The following PRKAR1B variants were observed in gnomAD, a reference collection of about 807,000 sequenced individuals.
PRKAR1B encodes protein kinase cAMP-dependent type I regulatory subunit beta.
Under a neutral mutation model 46.5 loss-of-function variants are expected in PRKAR1B, and 22 were observed. The ratio of observed to expected loss-of-function variants is 0.47; its 90% confidence interval spans 0.34 to 0.68. The LOEUF (loss-of-function observed/expected upper bound fraction) is 0.68, where lower values mean the gene tolerates loss of function less well. Among genes scored for constraint, PRKAR1B ranks in the 30% least tolerant of loss-of-function variants. PRKAR1B has a pLI of 0.01. For missense variants in PRKAR1B, 445 were observed against 535.6 expected (o/e 0.83, Z 1.67); for synonymous variants, 259 against 217.7 (o/e 1.19, Z -1.67).
intron 2 of PRKAR1B, among the ~76,000 whole-genome samples, chr7:695,175 C>T (rs1356729842): frequency 2.0e-5 from 3 of 152,184 alleles, no homozygotes; most frequent in Non-Finnish European, 2.9e-5. Context: ...TACTCACAGT[C>T]GCTCTGTGAT....
At chr7:563,291 C>G (rs545800745) in intron 9 of PRKAR1B, among the ~76,000 whole-genome samples, 3 of 152,264 alleles carry the variant, frequency 2.0e-5, no homozygotes, top group African/African-American at 7.2e-5. Context: ...ACCCCCTCCA[C>G]GGGATACCCC....
intron 4 of PRKAR1B, among the ~76,000 whole-genome samples, chr7:641,958 C>A (rs533748268): frequency 1.3e-5 from 2 of 152,234 alleles, no homozygotes; most frequent in Admixed American, 1.3e-4. Flanking sequence ...GATTAGGGCA[C>A]AGTGGCACAA....
intron 4 of PRKAR1B, among the ~76,000 whole-genome samples, chr7:628,554 C>T (rs766819762): frequency 6.6e-5 from 10 of 152,178 alleles, no homozygotes; most frequent in East Asian, 1.9e-4. Flanking sequence ...GAGCAAAGGC[C>T]GGCAGGGGCT....
rs200458521 is a variant in PRKAR1B at position 680,637 on chromosome 7, A to G, written c.267T>C (p.Pro89=). 524 of 1,430,586 alleles carry G rather than the reference A, an allele frequency of 3.7e-4. 2 individuals are homozygous for G. The African/African-American group carries it at 6.6e-3, about 18-fold the overall frequency. 88.6% of individuals were successfully genotyped at this position (1,430,586 alleles called of 1,614,324 possible). The change falls in exon 3 of 11, where the codon CCT becomes CCC. Residue 89 remains proline, a synonymous_variant. Coordinates refer to ENST00000537384, the MANE Select transcript of PRKAR1B (RefSeq NM_001164760.2). ...CTCGCCGGCGGCGGGCCTTCACCAC[A>G]GGGTTCGGGGGGGTGGGCGACACCT... ...DEEVSPTPPN[P]VVKARRRRGG... is the part of the protein sequence containing the mutation.
chr7:727,899 G>A (rs537764929), upstream of PRKAR1B, among the ~76,000 whole-genome samples: 1 of 151,482 alleles, frequency 6.6e-6, no homozygotes, highest in East Asian at 2.0e-4. Context: ...TTCCTGTTAG[G>A]CGGTTTGGGG....
chr7:647,733 G>C (rs184435047), intron 4 of PRKAR1B, among the ~76,000 whole-genome samples: 2,434 of 150,998 alleles, frequency 0.016, 62 homozygotes, highest in African/African-American at 0.056. Context: ...ATGAACCTGG[G>C]GGGGCAGAGC....
At chr7:596,672 A>G (rs1182346336) in intron 6 of PRKAR1B, among the ~76,000 whole-genome samples, 1 of 152,154 alleles carries the variant, frequency 6.6e-6, no homozygotes, top group Non-Finnish European at 1.5e-5. Flanking sequence ...TCAACTTCTC[A>G]CTCAGCCTCT....
intron 2 of PRKAR1B, among the ~76,000 whole-genome samples, chr7:709,324 T>C (rs1031896729): frequency 1.3e-5 from 2 of 151,718 alleles, no homozygotes; most frequent in African/African-American, 4.8e-5. Context: ...TGCATGTATG[T>C]ATGTGTGTGT....
At chr7:582,773 G>A (rs527730690) in intron 8 of PRKAR1B, among the ~76,000 whole-genome samples, 1 of 152,348 alleles carries the variant, frequency 6.6e-6, no homozygotes, top group East Asian at 1.9e-4. Flanking sequence ...TGCCTGGTGG[G>A]CACCAGGGGC....
At chr7:658,885 A>C (rs1176797835) in intron 4 of PRKAR1B, among the ~76,000 whole-genome samples, 1 of 152,184 alleles carries the variant, frequency 6.6e-6, no homozygotes, top group African/African-American at 2.4e-5. Context: ...TCCTGGCCTC[A>C]AGTGATCCAC....
intron 9 of PRKAR1B, among the ~76,000 whole-genome samples, chr7:552,679 C>T (rs865846787): frequency 6.6e-6 from 1 of 152,200 alleles, no homozygotes; most frequent in African/African-American, 2.4e-5. Flanking sequence ...AACTCACTGG[C>T]CCCCCGCACC....
intron 9 of PRKAR1B, among the ~76,000 whole-genome samples, chr7:566,396 CCACCACTTCCACCATCAT>C (rs1779140723): frequency 1.0e-3 from 2 of 1,982 alleles, no homozygotes; most frequent in Non-Finnish European, 2.3e-3. Context: ...ACCACCATCA[CCACCACTTCCACCATCAT>C]TATCACCATC....
intron 7 of PRKAR1B, among the ~76,000 whole-genome samples, chr7:588,534 G>GTGAGGATAGTGACAGTGGTGATCACGA: frequency 1.5e-5 from 1 of 67,656 alleles, no homozygotes; most frequent in African/African-American, 6.7e-5. Flanking sequence ...GGTGACGGTG[G>GTGAGGATAGTGACAGTGGTGATCACGA]TGATGGTGGT....
rs1785934933 is a variant in PRKAR1B at position 666,447 on chromosome 7, A to G, written c.440+10782T>C. 6.6e-6 allele frequency among the ~76,000 whole-genome samples: 1 copy of G among 152,104 alleles called. No homozygotes were observed. Among genetic ancestry groups the G allele is most frequent in the Non-Finnish European group, 1.5e-5 (1 of 68,014 alleles). ...AGGATGCGGAATCTGCTTCGCTCCAATAGCTGACACAAGGTGAGAAGGCTG... is the reference window on the plus strand; with the variant it reads ...AGGATGCGGAATCTGCTTCGCTCCAGTAGCTGACACAAGGTGAGAAGGCTG... On this transcript the variant is annotated intron_variant, in intron 4 of 10. Transcript: ENST00000537384. The surrounding 1 kb of genome is among the most constrained non-coding windows in gnomAD (Gnocchi z 4.9).
intron 3 of PRKAR1B, among the ~76,000 whole-genome samples, chr7:680,077 G>A (rs181047799): frequency 6.6e-6 from 1 of 150,950 alleles, no homozygotes; most frequent in East Asian, 2.0e-4. Context: ...AGAATGGCAT[G>A]AACCTGGGAG....
chr7:563,756 T>C lies in PRKAR1B; in HGVS notation c.892-12286A>G, dbSNP rs367915858. On this transcript the variant is annotated intron_variant, in intron 9 of 10. Coordinates refer to ENST00000537384, the MANE Select transcript of PRKAR1B (RefSeq NM_001164760.2). ...CTTGGAGTGTGTATGTACGTGTGTG[T>C]GCTCAGGTGTGCATGCATGTCTGTA... Among the ~76,000 whole-genome samples, 49 of 151,914 alleles carry C rather than the reference T, an allele frequency of 3.2e-4. 1 individual carries two copies. The highest frequency in any genetic ancestry group is 3.4e-3 in the Middle Eastern group (1 of 292).
At position 680,586 on chromosome 7, in the gene PRKAR1B, G is replaced by C. The variant is rs142687236; in HGVS notation, c.318C>G (p.Thr106=). ...TGACGTAGGACACGGCGTCCTCCTC[G>C]GTGTACACCTCGGCACTCACGCCTC... ...RRGGVSAEVY[T]EEDAVSYVRK... The change falls in exon 3 of 11, where the codon ACC becomes ACG. Residue 106 remains threonine (T), a synonymous_variant. Transcript: ENST00000537384. The C allele has an allele frequency of 6.2e-7, 1 of 1,612,124 alleles. No individual in the cohort carries two copies. Among genetic ancestry groups the C allele is most frequent in the Non-Finnish European group, 8.5e-7 (1 of 1,179,644 alleles).
intron 9 of PRKAR1B, among the ~76,000 whole-genome samples, chr7:559,045 G>A (rs1255599377): frequency 2.6e-5 from 4 of 152,310 alleles, no homozygotes; most frequent in African/African-American, 7.2e-5. Flanking sequence ...CGGAGCTGCC[G>A]ATGCATCTCC....
chr7:611,613 T>A (rs887712017), intron 4 of PRKAR1B, among the ~76,000 whole-genome samples: 1 of 152,246 alleles, frequency 6.6e-6, no homozygotes, highest in Non-Finnish European at 1.5e-5. Flanking sequence ...CTGACTGAGC[T>A]CTCAGATGGA....
Sources: gnomAD v4.1 joint callset for allele counts (sites outside exome capture counted in the v4.1 genomes callset) on GRCh38, gnomAD v4.1.1 for gene constraint, Gnocchi (gnomAD v3.1) non-coding constraint, MANE v1.5 for transcripts, NCBI Gene and HGNC (gene_info 2026-07-23, HGNC 2026-07-21) for gene names.